APOO: variants seen among roughly 807,000 people sequenced by gnomAD.
The protein encoded by APOO is MICOS complex subunit MIC26.
APOO carries 11 observed loss-of-function variants against 23.1 expected under a neutral mutation model. The ratio of observed to expected loss-of-function variants is 0.48; its 90% CI spans 0.30 to 0.79. The LOEUF (loss-of-function observed/expected upper bound fraction) is 0.79, where lower values mean the gene tolerates loss of function less well. Among genes scored for constraint, APOO ranks in the 30% least tolerant of loss-of-function variants. The pLI, the probability that APOO is intolerant of heterozygous loss-of-function variation, is 0.07. For synonymous variants in APOO, 59 were observed against 54.8 expected, an observed-to-expected ratio of 1.08 and a Z score of -0.34; for missense variants, 160 against 142.7, an observed-to-expected ratio of 1.12 and a Z score of -0.62.
At chrX:23,860,155 G>T (rs954695404) in intron 5 of APOO, among the ~76,000 whole-genome samples, 2 of 111,209 alleles carry the variant, frequency 1.8e-5, no homozygotes, top group Admixed American at 1.9e-4. Flanking sequence ...GAGGAGGAGT[G>T]CAGCCTCAGA....
At chrX:23,848,852 ATTTTTT>A (rs773306111) in intron 7 of APOO, among the ~76,000 whole-genome samples, 2 of 63,630 alleles carry the variant, frequency 3.1e-5, no homozygotes, top group Non-Finnish European at 5.9e-5. Flanking sequence ...TGCGCGGCTG[ATTTTTT>A]TTTTTTTTTT....
Position 23,840,385 on chromosome X carries a change from A to G in APOO, c.562-8T>C. 8.4e-7 allele frequency: 1 copy of G among 1,197,209 alleles called. No individual in the cohort carries two copies. Among genetic ancestry groups the G allele is most frequent in the East Asian group, 3.0e-5 (1 of 33,095 alleles). ...ATTCTTCACATTTCCTGGCTTTTAA[A>G]ACAAAAGAAAGAGCTTGAATGCAGT... On this transcript the variant is annotated splice_polypyrimidine_tract_variant and splice_region_variant and intron_variant, in intron 7 of 8. Transcript: ENST00000379226.
chrX:23,836,108 T>C (rs1923652688), intron 8 of APOO, among the ~76,000 whole-genome samples: 1 of 112,458 alleles, frequency 8.9e-6, no homozygotes, highest in African/African-American at 3.2e-5. Context: ...AACTGGATAT[T>C]AGATGATGTT....
At chrX:23,901,351 A>C (rs1355665014) in intron 1 of APOO, among the ~76,000 whole-genome samples, 1 of 111,723 alleles carries the variant, frequency 9.0e-6, no homozygotes, top group Non-Finnish European at 1.9e-5. Flanking sequence ...CGTCTGTGGC[A>C]GGAAAAGTCC....
intron 7 of APOO, among the ~76,000 whole-genome samples, chrX:23,842,559 T>C (rs898207477): frequency 8.9e-6 from 1 of 112,045 alleles, no homozygotes; most frequent in Admixed American, 9.5e-5. Context: ...ATGACTGCCA[T>C]GTGAAGGCTG....
intron 7 of APOO, among the ~76,000 whole-genome samples, chrX:23,846,575 C>T (rs780481968): frequency 5.1e-4 from 50 of 98,973 alleles, no homozygotes; most frequent in Non-Finnish European, 8.5e-4. Context: ...TGAACGCGAT[C>T]GCACCACTGC....
intron 1 of APOO, 99 bp from the exon 2 acceptor site, chrX:23,881,051 C>T (rs941552111): frequency 1.7e-4 from 69 of 395,233 alleles, no homozygotes; most frequent in Middle Eastern, 1.2e-3. Context: ...CCCTGAAAGG[C>T]TTACTGTGCT....
rs745721674 is a variant in APOO, at chrX:23,859,736, C to T, written c.389-1003G>A. 4.0e-4 allele frequency among the ~76,000 whole-genome samples: 45 copies of T among 112,127 alleles called. No homozygotes were observed. In the East Asian group the frequency reaches 5.9e-3, roughly 15 times the overall value. ...GGGATTACAGGTGTAAGCCGCTGCG[C>T]CCGGCCCTCTGGGTATTTCATATAA... On this transcript the variant is annotated intron_variant, in intron 5 of 8. Transcript: ENST00000379226.
chrX:23,899,752 T>C (rs1001252812), intron 1 of APOO, among the ~76,000 whole-genome samples: 4 of 112,757 alleles, frequency 3.5e-5, no homozygotes, highest in African/African-American at 1.3e-4. Context: ...CATGCATTTA[T>C]ATATCTAATT....
intron 7 of APOO, among the ~76,000 whole-genome samples, chrX:23,843,343 C>A: frequency 9.0e-6 from 1 of 110,653 alleles, no homozygotes; most frequent in South Asian, 3.8e-4. Flanking sequence ...AATATTGAGC[C>A]CATCCACCAC....
chrX:23,876,770 G>A (rs1385011877), intron 3 of APOO, among the ~76,000 whole-genome samples: 1 of 111,842 alleles, frequency 8.9e-6, no homozygotes. Flanking sequence ...CTGCACTCCA[G>A]CCTGGCAACA....
At chrX:23,861,971 T>C (rs1925069404) in intron 5 of APOO, among the ~76,000 whole-genome samples, 1 of 109,384 alleles carries the variant, frequency 9.1e-6, no homozygotes, top group Non-Finnish European at 1.9e-5. Flanking sequence ...ACCCGGCTAT[T>C]TTTTGTATTT....
intron 4 of APOO, among the ~76,000 whole-genome samples, 155 bp from the exon 5 acceptor site, chrX:23,868,843 C>T (rs1189578605): frequency 9.0e-6 from 1 of 111,379 alleles, no homozygotes; most frequent in Admixed American, 9.7e-5. Flanking sequence ...CTTCAACATA[C>T]TCTTTTTATG....
intron 4 of APOO, among the ~76,000 whole-genome samples, chrX:23,873,859 A>T (rs1925726876): frequency 8.9e-6 from 1 of 111,964 alleles, no homozygotes; most frequent in Non-Finnish European, 1.9e-5. Flanking sequence ...TTTCTGATTA[A>T]GATTAGTCAG....
At chrX:23,906,299 C>CT (rs1363787915) in intron 1 of APOO, among the ~76,000 whole-genome samples, 1 of 112,885 alleles carries the variant, frequency 8.9e-6, no homozygotes, top group Non-Finnish European at 1.9e-5. Flanking sequence ...CAATAGATAA[C>CT]TGAGACATTA....
chrX:23,855,889 A>G (rs1232625818), intron 7 of APOO, among the ~76,000 whole-genome samples: 1 of 112,265 alleles, frequency 8.9e-6, no homozygotes, highest in African/African-American at 3.2e-5. Context: ...AGTGCTAAGG[A>G]AAGAACAGAA....
At chrX:23,869,435 G>C (rs1925498147) in intron 4 of APOO, among the ~76,000 whole-genome samples, 3 of 109,361 alleles carry the variant, frequency 2.7e-5, no homozygotes, top group Non-Finnish European at 5.7e-5. Context: ...CTGAAGCTTT[G>C]CTGCTTGCTC....
intron 7 of APOO, among the ~76,000 whole-genome samples, chrX:23,851,518 T>C (rs1924538730): frequency 8.9e-6 from 1 of 112,350 alleles, no homozygotes; most frequent in African/African-American, 3.2e-5. Context: ...TAAAGGTAGA[T>C]AATTGGTTGG....
rs777791107 is a variant in APOO, at chrX:23,901,342, G to A, written c.9+6352C>T. Among the ~76,000 whole-genome samples the A allele has an allele frequency of 9.9e-5, 11 of 111,534 alleles. 1 individual carries two copies. The highest frequency in any genetic ancestry group is 2.1e-4 in the Non-Finnish European group (11 of 53,120). The stretch of plus-strand genomic sequence containing the variant: ...GATGATTTCCCAATTTCCAGCCCAC[G>A]TCTGTGGCAGGAAAAGTCCATACCC... On this transcript the variant is annotated intron_variant, in intron 1 of 8. Transcript: ENST00000379226.
Sources: gnomAD v4.1 joint callset for allele counts (sites outside exome capture counted in the v4.1 genomes callset) on GRCh38, gnomAD v4.1.1 for gene constraint, MANE v1.5 for transcripts, NCBI Gene and HGNC (gene_info 2026-07-23, HGNC 2026-07-21) for gene names.